ZNF92: variants seen among roughly 807,000 people sequenced by gnomAD.
The protein encoded by ZNF92 is epididymis luminal protein 203.
ZNF92 carries 11 observed loss-of-function variants against 12.4 expected under a neutral mutation model. That is an observed-to-expected ratio of 0.89 (90% CI 0.56 to 1.47). The LOEUF is 1.47. Ranked by LOEUF, ZNF92 falls within the 40% of genes most tolerant of loss-of-function variation. The pLI, the probability that ZNF92 is intolerant of heterozygous loss-of-function variation, is 0.00. For missense variants in ZNF92, 622 were observed against 681.0 expected (o/e 0.91, Z 0.96); for synonymous variants, 206 against 228.6 (o/e 0.90, Z 0.89).
chr7:65,388,650 T>A (rs2116373949), intron 2 of ZNF92, among the ~76,000 whole-genome samples, 156 bp from the exon 3 acceptor site: 1 of 146,030 alleles, frequency 6.8e-6, no homozygotes. Context: ...AAAAAAAAAA[T>A]CTACAAATTT....
intron 1 of ZNF92, among the ~76,000 whole-genome samples, chr7:65,386,956 T>TTTG: frequency 7.0e-6 from 1 of 143,594 alleles, no homozygotes; most frequent in Admixed American, 7.1e-5. Context: ...TTTTTTTTTT[T>TTTG]GAGACGGAGT....
chr7:65,390,111 A>C (rs1793672601), intron 3 of ZNF92, among the ~76,000 whole-genome samples: 1 of 152,092 alleles, frequency 6.6e-6, no homozygotes, highest in Admixed American at 6.6e-5. Flanking sequence ...TATATCATGT[A>C]GCTTATTTTA....
chr7:65,397,004 G>C (rs1342216384), intron 3 of ZNF92, among the ~76,000 whole-genome samples: 1 of 151,238 alleles, frequency 6.6e-6, no homozygotes, highest in Non-Finnish European at 1.5e-5. Flanking sequence ...AGTATCCTCT[G>C]TACTACTTTT....
At chr7:65,379,968 A>G (rs1793360694) in intron 1 of ZNF92, among the ~76,000 whole-genome samples, 3 of 152,048 alleles carry the variant, frequency 2.0e-5, no homozygotes, top group South Asian at 4.2e-4. Flanking sequence ...TCTCTGAGGT[A>G]CTAAGCATAG....
At chr7:65,385,533 G>A (rs796781496) in intron 1 of ZNF92, among the ~76,000 whole-genome samples, 10 of 152,266 alleles carry the variant, frequency 6.6e-5, no homozygotes, top group African/African-American at 2.4e-4. Flanking sequence ...GGTAGGGACA[G>A]GGCAGAGTGC....
rs544027343 is a variant in ZNF92 at position 65,397,756 on chromosome 7, T to G, written c.227-585T>G. Among the ~76,000 whole-genome samples, 4 of 152,262 alleles carry G rather than the reference T, an allele frequency of 2.6e-5. No homozygotes were observed. In the East Asian group the frequency reaches 7.7e-4, roughly 29 times the overall value. ...TTACTTTTTAGTTAAAGGAGTTCAT[T>G]TGTGTTTTTTGTTAAGTCGGTAATC... On this transcript the variant is annotated intron_variant, in intron 3 of 3. Transcript: ENST00000328747.
Position 65,387,978 on chromosome 7 carries a change from A to G in ZNF92, c.80A>G (p.Asn27Ser), listed in dbSNP as rs776625375. The G allele has an allele frequency of 7.5e-6, 12 of 1,608,442 alleles. No homozygotes were observed. Among genetic ancestry groups the G allele is most frequent in the Non-Finnish European group, 1.0e-5 (12 of 1,177,722 alleles). Residue 27 changes from asparagine to serine, a missense_variant, in exon 2 of 4, where the codon AAT (asparagine) becomes AGT (serine). Physicochemically the swap from Asn to Ser is conservative, Grantham distance 46. Transcript: ENST00000328747. Reference sequence around the variant, plus strand: ...CAATGCCTGGACACTGCGCAGCGGAATTTATATAGAGATGTGATGTTAGAG... The same window carrying G: ...CAATGCCTGGACACTGCGCAGCGGAGTTTATATAGAGATGTGATGTTAGAG... ...EWQCLDTAQR[N>S]LYRDVMLENY...
At chr7:65,386,965 G>A (rs1338949727) in intron 1 of ZNF92, among the ~76,000 whole-genome samples, 2 of 138,724 alleles carry the variant, frequency 1.4e-5, no homozygotes, top group Non-Finnish European at 3.0e-5. Context: ...TTGAGACGGA[G>A]TTTCACTCTC....
chr7:65,382,465 G>A (rs1562790489), intron 1 of ZNF92, among the ~76,000 whole-genome samples: 1 of 152,034 alleles, frequency 6.6e-6, no homozygotes, highest in East Asian at 1.9e-4. Flanking sequence ...TGATTGTGCT[G>A]CAAAATGCAT....
intron 3 of ZNF92, among the ~76,000 whole-genome samples, chr7:65,394,488 G>A (rs1041135693): frequency 2.6e-5 from 4 of 151,926 alleles, no homozygotes; most frequent in Non-Finnish European, 5.9e-5. Context: ...TATAATGGCT[G>A]TTTGTTCTTT....
intron 2 of ZNF92, 151 bp downstream of exon 2, chr7:65,388,179 T>G (rs11979359): frequency 0.2 from 154,094 of 766,360 alleles, 19,933 homozygotes; most frequent in African/African-American, 0.5. Context: ...AGAAAAGAAC[T>G]TCTTCAAGAT....
At chr7:65,386,012 T>A (rs1443872338) in intron 1 of ZNF92, among the ~76,000 whole-genome samples, 1 of 152,014 alleles carries the variant, frequency 6.6e-6, no homozygotes, top group Admixed American at 6.6e-5. Context: ...GTCAAGTATC[T>A]GAAAAATTTT....
In ZNF92 at chr7:65,398,420, A is replaced by C; in HGVS notation, c.306A>C (p.Thr102=). Residue 102 remains threonine (T), a synonymous_variant, in exon 4 of 4, where the codon ACA becomes ACC. Coordinates refer to ENST00000328747, the MANE Select transcript of ZNF92 (RefSeq NM_152626.4). ...KDSFQKVILR[T]YGKYGHENLQ... Reference sequence around the variant, plus strand: ...CTTTCCAAAAAGTGATACTGAGAACATATGGAAAATATGGACATGAGAATT... The same window carrying C: ...CTTTCCAAAAAGTGATACTGAGAACCTATGGAAAATATGGACATGAGAATT... 2 of 1,612,324 alleles carry C rather than the reference A, an allele frequency of 1.2e-6. No homozygotes were observed. Among genetic ancestry groups the C allele is most frequent in the Non-Finnish European group, 1.7e-6 (2 of 1,179,422 alleles).
At chr7:65,397,010 C>G (rs1793862336) in intron 3 of ZNF92, among the ~76,000 whole-genome samples, 2 of 149,532 alleles carry the variant, frequency 1.3e-5, no homozygotes, top group African/African-American at 4.9e-5. Context: ...CTCTGTACTA[C>G]TTTTTTTTTT....
At chr7:65,384,720 C>T (rs1034822714) in intron 1 of ZNF92, among the ~76,000 whole-genome samples, 1 of 151,934 alleles carries the variant, frequency 6.6e-6, no homozygotes, top group African/African-American at 2.4e-5. Context: ...CTATATGTAG[C>T]TTTTATTCTG....
intron 1 of ZNF92, among the ~76,000 whole-genome samples, chr7:65,375,468 T>C (rs1372384423): frequency 1.3e-5 from 2 of 152,060 alleles, no homozygotes; most frequent in African/African-American, 4.8e-5. Context: ...CCTTGAGATA[T>C]TAAGATTGTC....
At chr7:65,391,806 G>A (rs1299622450) in intron 3 of ZNF92, among the ~76,000 whole-genome samples, 2 of 151,904 alleles carry the variant, frequency 1.3e-5, no homozygotes, top group Non-Finnish European at 2.9e-5. Flanking sequence ...TGGTTATACT[G>A]CATTTTCTCT....
chr7:65,374,292 G>A (rs1197015814), intron 1 of ZNF92, among the ~76,000 whole-genome samples: 3 of 152,174 alleles, frequency 2.0e-5, no homozygotes, highest in Admixed American at 2.0e-4. Context: ...CGAGTGTGCA[G>A]GGACGACGGG....
chr7:65,375,858 C>G (rs1793223733), intron 1 of ZNF92, among the ~76,000 whole-genome samples: 6 of 151,916 alleles, frequency 3.9e-5, no homozygotes, highest in Admixed American at 3.9e-4. Flanking sequence ...CAAAAACAAC[C>G]TGATCCCAGT....
Sources: gnomAD v4.1 joint callset for allele counts (sites outside exome capture counted in the v4.1 genomes callset) on GRCh38, gnomAD v4.1.1 for gene constraint, MANE v1.5 for transcripts, NCBI Gene and HGNC (gene_info 2026-07-23, HGNC 2026-07-21) for gene names.